CPT1A: variants seen among roughly 807,000 people sequenced by gnomAD.
CPT1A encodes the protein carnitine palmitoyltransferase 1A, also known as carnitine O-palmitoyltransferase 1, liver isoform.
CPT1A carries 64 observed loss-of-function variants against 100.8 expected under a neutral mutation model. The observed-to-expected ratio is 0.63, with a 90% CI of 0.52 to 0.78. The LOEUF is 0.78. Ranked by LOEUF, CPT1A falls within the 30% of genes least tolerant of loss-of-function variation. The pLI, the probability that CPT1A is intolerant of heterozygous loss-of-function variation, is 0.00. For missense variants in CPT1A, 802 were observed against 1,034.1 expected (o/e 0.78, Z 3.08); for synonymous variants, 363 against 396.0 (o/e 0.92, Z 0.99).
At chr11:68,766,739 CG>C (rs1854816083) in intron 14 of CPT1A, among the ~76,000 whole-genome samples, 1 of 151,702 alleles carries the variant, frequency 6.6e-6, no homozygotes, top group East Asian at 1.9e-4. Flanking sequence ...CCATCCGCCT[CG>C]GCCTCCCAAA....
At chr11:68,815,069 A>C (rs1360207270) in intron 2 of CPT1A, among the ~76,000 whole-genome samples, 4 of 152,152 alleles carry the variant, frequency 2.6e-5, no homozygotes, top group Admixed American at 2.6e-4. Context: ...TCTGCCTCCT[A>C]TTAAGTAGGT....
At chr11:68,774,302 G>A (rs61583631) in intron 13 of CPT1A, among the ~76,000 whole-genome samples, 6,536 of 152,196 alleles carry the variant, frequency 0.043, 486 homozygotes, top group African/African-American at 0.15. Context: ...ATGTTCTGAC[G>A]CTAACAGGAA....
At chr11:68,786,903 A>G (rs550826848) in intron 9 of CPT1A, among the ~76,000 whole-genome samples, 1 of 152,204 alleles carries the variant, frequency 6.6e-6, no homozygotes, top group African/African-American at 2.4e-5. Flanking sequence ...AAGGGTTCCT[A>G]CCAGAAACTT....
intron 9 of CPT1A, among the ~76,000 whole-genome samples, chr11:68,789,322 T>A (rs1221427410): frequency 6.6e-6 from 1 of 152,098 alleles, no homozygotes; most frequent in Non-Finnish European, 1.5e-5. Flanking sequence ...CCGGTGGGGA[T>A]GTCTGAGAAA....
At chr11:68,815,253 C>A (rs1467363514) in intron 2 of CPT1A, 81 bp downstream of exon 2, 1 of 1,443,024 alleles carries the variant, frequency 6.9e-7, no homozygotes, top group Non-Finnish European at 9.7e-7. Context: ...GTCTGAAACA[C>A]GTAGACCTCA....
chr11:68,803,306 T>C (rs1001611261), intron 5 of CPT1A, among the ~76,000 whole-genome samples: 3 of 152,156 alleles, frequency 2.0e-5, no homozygotes, highest in African/African-American at 7.2e-5. Context: ...GTCCCTCAGA[T>C]TGGCAAATCC....
chr11:68,801,762 G>A (rs982602733), intron 5 of CPT1A, among the ~76,000 whole-genome samples: 7 of 150,264 alleles, frequency 4.7e-5, no homozygotes, highest in African/African-American at 1.8e-4. Flanking sequence ...GGAGTCCCAG[G>A]ATGTGGAAAA....
At chr11:68,790,545 C>T (rs986484215) in intron 9 of CPT1A, among the ~76,000 whole-genome samples, 6 of 152,170 alleles carry the variant, frequency 3.9e-5, no homozygotes, top group Non-Finnish European at 8.8e-5. Context: ...AGCCAAGGAG[C>T]ACCTGGACCC....
intron 3 of CPT1A, 147 bp from the exon 4 acceptor site, chr11:68,807,785 C>T (rs1856089576): frequency 2.7e-6 from 2 of 752,162 alleles, no homozygotes. Context: ...AGAGCACTTG[C>T]AGGAACTGAG....
At chr11:68,759,704 C>A (rs777884100) in intron 17 of CPT1A, 43 bp from the exon 18 acceptor site, 2 of 1,425,032 alleles carry the variant, frequency 1.4e-6, no homozygotes, top group Admixed American at 3.4e-5. Flanking sequence ...GGAAATGAGA[C>A]AACGTGAAAA....
At position 68,839,249 on chromosome 11, in the gene CPT1A, T is replaced by TGCC. The variant is rs200613924; in HGVS notation, c.-14+2523_-14+2525dup. Among the ~76,000 whole-genome samples the TGCC allele has an allele frequency of 7.0e-3, 1,063 of 152,334 alleles. 14 individuals carry two copies. Among genetic ancestry groups the TGCC allele is most frequent in the Admixed American group, 0.024 (363 of 15,306 alleles). ...TCCGGTTTCCGCCTCCCGCCGCCGC[T>TGCC]GCCACCGCCCCTGCGCCTTTAGATT... On this transcript the variant is annotated intron_variant, in intron 1 of 18. Transcript: ENST00000265641.
chr11:68,758,858 T>C (rs1594313958), intron 18 of CPT1A, among the ~76,000 whole-genome samples: 1 of 151,700 alleles, frequency 6.6e-6, no homozygotes. Flanking sequence ...CCTCAAGTGA[T>C]TGGCCAGCCT....
chr11:68,774,796 AAAAG>A (rs1333926727), intron 13 of CPT1A, among the ~76,000 whole-genome samples: 1 of 151,268 alleles, frequency 6.6e-6, no homozygotes, highest in East Asian at 2.0e-4. Context: ...AAAAAAAAAA[AAAAG>A]AAAAAGAAAA....
chr11:68,812,395 G>A (rs1440365116), intron 3 of CPT1A, 42 bp downstream of exon 3: 10 of 1,612,196 alleles, frequency 6.2e-6, no homozygotes, highest in East Asian at 2.2e-5. Flanking sequence ...CAATAAAATC[G>A]GTAACTTCCC....
intron 3 of CPT1A, among the ~76,000 whole-genome samples, chr11:68,811,820 C>T (rs529646628): frequency 3.6e-4 from 55 of 151,678 alleles, no homozygotes; most frequent in Non-Finnish European, 6.2e-4. Context: ...TATCAACAGG[C>T]GGCAGGTGGT....
At chr11:68,793,090 A>G (rs1285511596) in intron 9 of CPT1A, among the ~76,000 whole-genome samples, 2 of 152,148 alleles carry the variant, frequency 1.3e-5, no homozygotes, top group Non-Finnish European at 2.9e-5. Context: ...TCTATGAGAC[A>G]GTTGGCAGTC....
At position 68,761,548 on chromosome 11, in the gene CPT1A, G is replaced by A. The variant is rs754188942; in HGVS notation, c.2015C>T (p.Pro672Leu). 2 of 1,613,916 alleles carry A rather than the reference G, an allele frequency of 1.2e-6. No homozygotes were observed. The highest frequency in any genetic ancestry group is 3.3e-5 in the Admixed American group (2 of 59,978). Reference protein sequence around the residue: ...VVSKYLAVESPFLKEVLSEPW... With the variant: ...VVSKYLAVESLFLKEVLSEPW... ...GAAGAGACTTACTTCCTTAAGGAAA[G>A]GGGACTCCACAGCGAGATATTTAGA... Residue 672 changes from proline (P) to leucine (L), a missense_variant, in exon 16 of 19, where the codon CCT becomes CTT. Around this residue, in one of 4 missense-constraint regions of CPT1A, gnomAD observed 627 missense variants for 799.3 expected, o/e 0.78. Transcript: ENST00000265641.
intron 14 of CPT1A, among the ~76,000 whole-genome samples, chr11:68,763,811 G>C (rs1854707549): frequency 6.6e-6 from 1 of 152,196 alleles, no homozygotes; most frequent in South Asian, 2.1e-4. Context: ...GCTGTTGAAT[G>C]CTTTTTTTCC....
intron 5 of CPT1A, among the ~76,000 whole-genome samples, chr11:68,799,613 G>A (rs562799315): frequency 1.3e-5 from 2 of 152,168 alleles, no homozygotes; most frequent in East Asian, 3.9e-4. Flanking sequence ...AAATTAGCTG[G>A]ACATGGTGGT....
Sources: gnomAD v4.1 joint callset for allele counts (sites outside exome capture counted in the v4.1 genomes callset) on GRCh38, gnomAD v4.1.1 for gene constraint, gnomAD v4.1.1 regional missense constraint, MANE v1.5 for transcripts, NCBI Gene and HGNC (gene_info 2026-07-23, HGNC 2026-07-21) for gene names.